The following ARID1B variants were observed in gnomAD, a reference collection of about 807,000 sequenced individuals.
ARID1B encodes AT-rich interaction domain 1B.
A neutral mutation model predicts 212.3 loss-of-function variants in ARID1B; 30 were observed. The observed-to-expected ratio is 0.14, with a 90% CI of 0.11 to 0.19. The LOEUF (loss-of-function observed/expected upper bound fraction) is 0.19, where lower values mean the gene tolerates loss of function less well. Among genes scored for constraint, ARID1B ranks in the 10% least tolerant of loss-of-function variants. The pLI, the probability that ARID1B is intolerant of heterozygous loss-of-function variation, is 1.00. For missense variants in ARID1B, 2,891 were observed against 3,204.0 expected, an observed-to-expected ratio of 0.90 and a Z score of 2.36; for synonymous variants, 1,402 against 1,301.7, an observed-to-expected ratio of 1.08 and a Z score of -1.66.
At position 157,110,517 on chromosome 6, in the gene ARID1B, G is replaced by T. The variant is rs1335660523; in HGVS notation, c.2537G>T (p.Ser846Ile). 6.2e-7 allele frequency: 1 copy of T among 1,614,012 alleles called. No homozygotes were observed. Among genetic ancestry groups the T allele is most frequent in the African/African-American group, 1.3e-5 (1 of 74,888 alleles). Residue 846 changes from serine to isoleucine, a missense_variant, in exon 6 of 20, where the codon AGT (serine) becomes ATT (isoleucine). By Grantham distance (142) the Ser-to-Ile change is moderately radical (BLOSUM62 -2). Around this residue, in one of 7 missense-constraint regions of ARID1B, gnomAD observed 1,643 missense variants for 1,544.0 expected, o/e 1.06. Coordinates refer to ENST00000636930, the MANE Select transcript of ARID1B (RefSeq NM_001374828.1). ...CCACCCGGGAGCCAGTCAGAATCCA[G>T]TTCCCATCCCGCCTTGAGCCAGTCA... ...PQPPGSQSES[S>I]SHPALSQSPM...
intron 9 of ARID1B, chr6:157,173,347 T>G (rs1791853786): frequency 6.6e-6 from 1 of 152,260 alleles, no homozygotes; most frequent in African/African-American, 2.4e-5. Flanking sequence ...ACCTGGGCAT[T>G]GAGCTGCTGT....
intron 1 of ARID1B, among the ~76,000 whole-genome samples, chr6:156,816,452 A>G (rs1197451266): frequency 6.6e-6 from 1 of 152,226 alleles, no homozygotes. Context: ...AGTTGGGGCT[A>G]TAAGGAAAAT....
intron 5 of ARID1B, among the ~76,000 whole-genome samples, chr6:157,105,362 C>T (rs1390372717): frequency 6.6e-6 from 1 of 151,794 alleles, no homozygotes; most frequent in Non-Finnish European, 1.5e-5. Flanking sequence ...ACACCGTAAG[C>T]AAAACTAAAA....
In ARID1B at chr6:156,955,543, G is replaced by T. The variant is rs1413666509; in HGVS notation, c.2247+19967G>T. The stretch of plus-strand genomic sequence containing the variant: ...TATAAAGGCTCTGTAATAATTGAAA[G>T]TTATACATAATTTGCTATTGACATA... On this transcript the variant is annotated intron_variant, in intron 4 of 19. Coordinates refer to ENST00000636930, the MANE Select transcript of ARID1B (RefSeq NM_001374828.1). This position sits in a 1 kb window ranked among gnomAD's most constrained non-coding sequence, Gnocchi z 4.2. Among the ~76,000 whole-genome samples the T allele has an allele frequency of 6.6e-6, 1 of 152,188 alleles. No individual in the cohort carries two copies. Among genetic ancestry groups the T allele is most frequent in the Non-Finnish European group, 1.5e-5 (1 of 68,038 alleles).
chr6:157,099,882 G>A (rs914773045), intron 5 of ARID1B, among the ~76,000 whole-genome samples: 6 of 152,158 alleles, frequency 3.9e-5, no homozygotes, highest in African/African-American at 1.4e-4. Flanking sequence ...TTCGGGAATT[G>A]GAAGTATCCT....
chr6:156,946,550 G>A (rs1793166195), intron 4 of ARID1B, among the ~76,000 whole-genome samples: 2 of 152,144 alleles, frequency 1.3e-5, no homozygotes, highest in South Asian at 2.1e-4. Context: ...TAAGCGCATT[G>A]TAACGCCCTT....
chr6:157,185,671 G>A lies in ARID1B; in HGVS notation c.3919+1236G>A, dbSNP rs542649567. 2.9e-4 allele frequency: 44 copies of A among 152,172 alleles called. 1 individual carries two copies. The highest frequency in any genetic ancestry group is 2.9e-3 in the Admixed American group (44 of 15,268). 9.4% of individuals were successfully genotyped at this position (152,172 alleles called of 1,614,324 possible). ...CTCTGGCTGTATTGAAAATACCTTTGTAATATGTGAAATGTTTACACATAG... is the reference window on the plus strand; with the variant it reads ...CTCTGGCTGTATTGAAAATACCTTTATAATATGTGAAATGTTTACACATAG... On this transcript the variant is annotated intron_variant, in intron 13 of 19. Transcript: ENST00000636930.
intron 9 of ARID1B, chr6:157,173,268 A>T (rs917859587): frequency 1.3e-5 from 2 of 152,184 alleles, no homozygotes; most frequent in African/African-American, 4.8e-5. Context: ...GCCTAAATAG[A>T]ATTGATTGGA....
intron 5 of ARID1B, among the ~76,000 whole-genome samples, chr6:157,085,591 A>T (rs1192078346): frequency 6.6e-6 from 1 of 152,124 alleles, no homozygotes; most frequent in Non-Finnish European, 1.5e-5. Flanking sequence ...TCATCCATTC[A>T]AGTCTACCGT....
chr6:156,995,078 T>C (rs969897019), intron 4 of ARID1B, among the ~76,000 whole-genome samples: 7 of 152,168 alleles, frequency 4.6e-5, no homozygotes, highest in Non-Finnish European at 1.0e-4. Context: ...GACCTGCACC[T>C]TCCTAGGCAC....
chr6:156,778,951 C>T lies in ARID1B; in HGVS notation c.1271C>T (p.Ala424Val), dbSNP rs1271802085. 6 of 1,283,072 alleles carry T rather than the reference C, an allele frequency of 4.7e-6. No homozygotes were observed. Among genetic ancestry groups the T allele is most frequent in the Non-Finnish European group, 4.9e-6 (5 of 1,023,290 alleles). The allele number at this position is 1,283,072 out of a possible 1,614,324, so 79.5% of individuals were successfully genotyped here. Reference sequence around the variant, plus strand: ...GGAGCAGGAGCGGGAGCTGTGGCGGCGGCGGCCGCGGCGGCGGCGGCAGCA... The same window carrying T: ...GGAGCAGGAGCGGGAGCTGTGGCGGTGGCGGCCGCGGCGGCGGCGGCAGCA... The part of the protein sequence containing the change: ...AGGAGAGAVA[A>V]AAAAAAAAAG... The change falls in exon 1 of 20, where the codon GCG becomes GTG. Residue 424 changes from alanine to valine, a missense_variant. Ala to Val is a moderately conservative substitution (Grantham distance 64). Around this residue, in one of 7 missense-constraint regions of ARID1B, gnomAD observed 1,643 missense variants for 1,544.0 expected, o/e 1.06. Transcript: ENST00000636930.
intron 2 of ARID1B, among the ~76,000 whole-genome samples, chr6:156,869,357 C>G (rs938736966): frequency 6.6e-6 from 1 of 152,032 alleles, no homozygotes; most frequent in South Asian, 2.1e-4. Flanking sequence ...GCCATAAAAG[C>G]GAATAATGAA....
At chr6:157,080,153 A>T (rs1410727889) in intron 4 of ARID1B, among the ~76,000 whole-genome samples, 1 of 152,206 alleles carries the variant, frequency 6.6e-6, no homozygotes, top group East Asian at 1.9e-4. Flanking sequence ...AGATGCCCAA[A>T]TGTGTGCAGT....
At chr6:156,798,527 G>C (rs1583060394) in intron 1 of ARID1B, among the ~76,000 whole-genome samples, 1 of 152,268 alleles carries the variant, frequency 6.6e-6, no homozygotes, top group Non-Finnish European at 1.5e-5. Flanking sequence ...GAACTCCAAA[G>C]CCTGTGCTGC....
In ARID1B at chr6:156,778,099, CG is replaced by C. The variant is rs1778778189; in HGVS notation, c.421del (p.Ala141ProfsTer12). Reference sequence around the variant, plus strand: ...TCTTCCTCCTCGTCGGGCCCGGGCTCGGCCATGGAGACGGGGCTGCTCCCCA... The same window carrying C: ...TCTTCCTCCTCGTCGGGCCCGGGCTCGCCATGGAGACGGGGCTGCTCCCCA... Reference protein sequence around the residue: ...ASSSSSSGPGSAMETGLLPNH... With the variant: ...ASSSSSSGPGXAMETGLLPNH... On this transcript the variant is annotated frameshift_variant, in exon 1 of 20. Coordinates refer to ENST00000636930, the MANE Select transcript of ARID1B (RefSeq NM_001374828.1). LOFTEE classifies it high-confidence loss of function. The C allele has an allele frequency of 6.5e-7, 1 of 1,540,606 alleles. No homozygotes were observed. The highest frequency in any genetic ancestry group is 8.7e-7 in the Non-Finnish European group (1 of 1,146,272).
chr6:156,922,855 A>G (rs1790919281), intron 3 of ARID1B, among the ~76,000 whole-genome samples: 1 of 152,160 alleles, frequency 6.6e-6, no homozygotes, highest in Non-Finnish European at 1.5e-5. Context: ...GGCCCTAGAT[A>G]TGAGTTATGG....
At chr6:157,013,145 C>G (rs926150111) in intron 4 of ARID1B, among the ~76,000 whole-genome samples, 1 of 152,256 alleles carries the variant, frequency 6.6e-6, no homozygotes, top group African/African-American at 2.4e-5. Flanking sequence ...TCCCAAAGTG[C>G]TGGGATTACA....
chr6:157,202,771 A>G (rs2128381713), intron 18 of ARID1B, among the ~76,000 whole-genome samples: 1 of 150,546 alleles, frequency 6.6e-6, no homozygotes, highest in South Asian at 2.1e-4. Context: ...ATAGATATAT[A>G]TAGAATATGT....
chr6:156,884,040 T>C (rs1178304427), intron 2 of ARID1B, among the ~76,000 whole-genome samples: 1 of 152,228 alleles, frequency 6.6e-6, no homozygotes, highest in Non-Finnish European at 1.5e-5. Context: ...ATGCAGTGTT[T>C]TCTAAACTGC....
Sources: gnomAD v4.1 joint callset for allele counts (sites outside exome capture counted in the v4.1 genomes callset) on GRCh38, gnomAD v4.1.1 for gene constraint, gnomAD v4.1.1 regional missense constraint, Gnocchi (gnomAD v3.1) non-coding constraint, MANE v1.5 for transcripts, NCBI Gene and HGNC (gene_info 2026-07-23, HGNC 2026-07-21) for gene names.